Variants in SGSM1 observed in about 807,000 individuals in gnomAD.
SGSM1 encodes the protein small G protein signaling modulator 1.
SGSM1 carries 73 observed loss-of-function variants against 133.8 expected under a neutral mutation model. The observed-to-expected ratio is 0.55, with a 90% confidence interval of 0.45 to 0.66. The LOEUF is 0.66. SGSM1 is among the 30% of genes least tolerant of loss of function. The probability of loss-of-function intolerance (pLI) is 0.00; values close to 1 mark genes in which losing one functional copy is unlikely to be tolerated. For missense variants in SGSM1, 1,213 were observed against 1,448.1 expected (o/e 0.84, Z 2.64); for synonymous variants, 563 against 573.0 (o/e 0.98, Z 0.25).
intron 2 of SGSM1, among the ~76,000 whole-genome samples, chr22:24,832,620 C>T (rs1188824498): frequency 1.3e-5 from 2 of 152,002 alleles, no homozygotes; most frequent in Admixed American, 1.3e-4. Context: ...GTCTGGCACA[C>T]GAGAAGGGCT....
At position 24,833,487 on chromosome 22, in the gene SGSM1, A is replaced by G. The variant is rs540725883; in HGVS notation, c.64-11410A>G. On this transcript the variant is annotated intron_variant, in intron 2 of 24. Coordinates refer to ENST00000400358, the MANE Select transcript of SGSM1 (RefSeq NM_001098497.3). The stretch of plus-strand genomic sequence containing the variant: ...ATCCTGGCCAACATGGTGAAACCCC[A>G]TCTCTACTAAAAATACAAAAATCAG... Among the ~76,000 whole-genome samples, 175 of 151,558 alleles carry G rather than the reference A, an allele frequency of 1.2e-3. 2 individuals are homozygous for G. The highest frequency in any genetic ancestry group is 5.7e-3 in the South Asian group (27 of 4,772).
At chr22:24,874,505 C>T (rs1463487674) in intron 12 of SGSM1, 5 of 1,613,240 alleles carry the variant, frequency 3.1e-6, no homozygotes, top group Non-Finnish European at 4.2e-6. Flanking sequence ...CTGGTGGTGG[C>T]CAGAGGGAGT....
intron 3 of SGSM1, among the ~76,000 whole-genome samples, chr22:24,845,946 TTTCTTTCTTTCTTTCTTTCTTTC>T (rs1166690214): frequency 2.5e-5 from 1 of 39,368 alleles, no homozygotes; most frequent in Non-Finnish European, 5.1e-5. Context: ...TTTTCTTTTC[TTTCTTTCTTTCTTTCTTTCTTTC>T]TTTCTTTCTT....
In SGSM1 at chr22:24,912,696, T is replaced by C; in HGVS notation, c.2872T>C (p.Phe958Leu). The C allele has an allele frequency of 1.2e-6, 2 of 1,613,826 alleles. No homozygotes were observed. The highest frequency in any genetic ancestry group is 1.6e-4 in the Middle Eastern group (1 of 6,062). Residue 958 changes from phenylalanine (F) to leucine (L), a missense_variant, in exon 22 of 25, where the codon TTC becomes CTC. Physicochemically the swap from Phe to Leu is conservative, Grantham distance 22. Coordinates refer to ENST00000400358, the MANE Select transcript of SGSM1 (RefSeq NM_001098497.3). ...TELMKRMNQN[F>L]PHGGAMDTHF... ...GCTCATGAAGAGGATGAACCAGAACTTCCCCCACGGAGGCGCCATGGACAC... is the reference window on the plus strand; with the variant it reads ...GCTCATGAAGAGGATGAACCAGAACCTCCCCCACGGAGGCGCCATGGACAC...
At chr22:24,865,628 C>G (rs758928907) in intron 9 of SGSM1, among the ~76,000 whole-genome samples, 3 of 152,022 alleles carry the variant, frequency 2.0e-5, no homozygotes, top group Non-Finnish European at 4.4e-5. Flanking sequence ...GACCTTGAAG[C>G]CTATGTTAGT....
intron 18 of SGSM1, among the ~76,000 whole-genome samples, chr22:24,895,714 T>C (rs1036771757): frequency 5.3e-5 from 8 of 152,170 alleles, no homozygotes; most frequent in Admixed American, 1.3e-4. Flanking sequence ...TCCGTTTCAA[T>C]TGGTGAAAAG....
In SGSM1 at chr22:24,855,411, C is replaced by A. The variant is rs200297927; in HGVS notation, c.650C>A (p.Thr217Asn). Reference protein sequence around the residue: ...HSSHVRQDSPTKRPALCIQKR... With the variant: ...HSSHVRQDSPNKRPALCIQKR... ...TCCCACGTGCGGCAGGACTCGCCCACCAAGCGTCCTGCCCTCTGTGTGAGT... is the reference window on the plus strand; with the variant it reads ...TCCCACGTGCGGCAGGACTCGCCCAACAAGCGTCCTGCCCTCTGTGTGAGT... The change falls in exon 7 of 25, where the codon ACC (threonine) becomes AAC (asparagine). Residue 217 changes from threonine to asparagine, a missense_variant. Transcript: ENST00000400358. 54 of 1,613,562 alleles carry A rather than the reference C, an allele frequency of 3.3e-5. No individual in the cohort carries two copies. In the Admixed American group the frequency reaches 4.0e-4, roughly 12 times the overall value.
rs35981293 is a variant in SGSM1 at position 24,857,407 on chromosome 22, C to CAAAAA, written c.801+1740_801+1744dup. On this transcript the variant is annotated intron_variant, in intron 8 of 24. Transcript: ENST00000400358. ...TAGGCAACAGAGCGAGACTCTGTCT[C>CAAAAA]AAAAAAAAAAAAAAAAAGCTATTTA... Among the ~76,000 whole-genome samples the CAAAAA allele has an allele frequency of 6.6e-4, 80 of 120,378 alleles. 1 individual carries two copies. Among genetic ancestry groups the CAAAAA allele is most frequent in the African/African-American group, 2.5e-3 (78 of 30,928 alleles). The allele number at this position is 120,378 out of a possible 152,430, so 79.0% of individuals were successfully genotyped here.
chr22:24,875,894 G>T lies in SGSM1; in HGVS notation c.1292-683G>T, dbSNP rs533639059. Among the ~76,000 whole-genome samples, 3 of 152,292 alleles carry T rather than the reference G, an allele frequency of 2.0e-5. No homozygotes were observed. The East Asian group carries it at 5.8e-4, about 29-fold the overall frequency. ...CCAGTGTCCAAAAGTTAGGAAATCAGAGTCCATCGAATATACCTGCTGTAT... is the reference window on the plus strand; with the variant it reads ...CCAGTGTCCAAAAGTTAGGAAATCATAGTCCATCGAATATACCTGCTGTAT... On this transcript the variant is annotated intron_variant, in intron 12 of 24. Coordinates refer to ENST00000400358, the MANE Select transcript of SGSM1 (RefSeq NM_001098497.3).
intron 20 of SGSM1, among the ~76,000 whole-genome samples, chr22:24,903,370 G>A (rs913666670): frequency 2.6e-5 from 4 of 151,758 alleles, no homozygotes; most frequent in Admixed American, 2.6e-4. Flanking sequence ...TGCCAGGCCC[G>A]GCTAATTTTT....
At chr22:24,887,339 A>G (rs1264004841) in intron 16 of SGSM1, among the ~76,000 whole-genome samples, 2 of 152,184 alleles carry the variant, frequency 1.3e-5, no homozygotes, top group Non-Finnish European at 2.9e-5. Context: ...CAAGAATGTT[A>G]TATAAATGGA....
chr22:24,892,694 A>C (rs2071685429), intron 16 of SGSM1, among the ~76,000 whole-genome samples: 1 of 151,992 alleles, frequency 6.6e-6, no homozygotes, highest in African/African-American at 2.4e-5. Context: ...TGAGTGAGTG[A>C]ATGAATGGAT....
intron 3 of SGSM1, among the ~76,000 whole-genome samples, chr22:24,847,143 G>A (rs1203251631): frequency 3.3e-5 from 5 of 152,054 alleles, no homozygotes; most frequent in East Asian, 1.9e-4. Flanking sequence ...GATTACAGAC[G>A]TGAGCCACTG....
intron 13 of SGSM1, among the ~76,000 whole-genome samples, chr22:24,877,930 C>A (rs1264522806): frequency 1.3e-5 from 2 of 150,478 alleles, no homozygotes; most frequent in Admixed American, 6.7e-5. Flanking sequence ...CCTGCCTCAG[C>A]CTCCCGAGTA....
At chr22:24,916,960 C>A (rs1369799151) in intron 22 of SGSM1, among the ~76,000 whole-genome samples, 1 of 151,950 alleles carries the variant, frequency 6.6e-6, no homozygotes, top group Non-Finnish European at 1.5e-5. Flanking sequence ...TTCATTGCAG[C>A]CTTGAACTCC....
At chr22:24,812,384 T>A (rs1253320903) in intron 2 of SGSM1, among the ~76,000 whole-genome samples, 1 of 152,110 alleles carries the variant, frequency 6.6e-6, no homozygotes, top group South Asian at 2.1e-4. Flanking sequence ...TGCAGCTCGC[T>A]TTAAGGTCCC....
chr22:24,900,482 C>G (rs74337737), intron 19 of SGSM1, among the ~76,000 whole-genome samples: 1 of 151,648 alleles, frequency 6.6e-6, no homozygotes, highest in Non-Finnish European at 1.5e-5. Flanking sequence ...TCACCGCAAC[C>G]TCCGCCTCCC....
At chr22:24,848,098 T>C (rs1278797404) in intron 4 of SGSM1, among the ~76,000 whole-genome samples, 1 of 152,042 alleles carries the variant, frequency 6.6e-6, no homozygotes, top group Non-Finnish European at 1.5e-5. Context: ...CTCCCCGTTG[T>C]TGTTGGTTGG....
intron 16 of SGSM1, among the ~76,000 whole-genome samples, chr22:24,891,418 G>A (rs753051483): frequency 1.7e-4 from 26 of 152,192 alleles, no homozygotes; most frequent in Admixed American, 3.3e-4. Flanking sequence ...GGAAGCATAG[G>A]AGCACCAGAC....
Sources: allele counts gnomAD v4.1 joint callset (sites outside exome capture counted in the v4.1 genomes callset), GRCh38; gene constraint gnomAD v4.1.1; transcripts MANE v1.5; gene names NCBI Gene and HGNC (gene_info 2026-07-23, HGNC 2026-07-21).